Variants in PAH observed in about 807,000 individuals in gnomAD.
PAH encodes the protein phenylalanine hydroxylase, also known as phenylalanine-4-hydroxylase.
A neutral mutation model predicts 62.0 loss-of-function variants in PAH; 64 were observed. The ratio of observed to expected loss-of-function variants is 1.03; its 90% CI spans 0.84 to 1.27. The LOEUF is 1.27. Among genes scored for constraint, PAH ranks in the 50% most tolerant of loss-of-function variants. The pLI, the probability that PAH is intolerant of heterozygous loss-of-function variation, is 0.00. For synonymous variants in PAH, 195 were observed against 196.2 expected (o/e 0.99, Z 0.05); for missense variants, 579 against 542.8 (o/e 1.07, Z -0.66).
intron 1 of PAH, among the ~76,000 whole-genome samples, chr12:102,937,998 A>G (rs189386339): frequency 3.9e-5 from 6 of 152,350 alleles, no homozygotes; most frequent in Admixed American, 2.0e-4. Context: ...GGCTGACCGA[A>G]GCAGCTACTG....
chr12:102,873,837 A>G (rs867966835), intron 4 of PAH, among the ~76,000 whole-genome samples: 3 of 152,202 alleles, frequency 2.0e-5, no homozygotes, highest in Non-Finnish European at 2.9e-5. Flanking sequence ...GGATTTTCCA[A>G]AGTTTCTAAT....
intron 3 of PAH, among the ~76,000 whole-genome samples, chr12:102,886,659 G>T (rs749461153): frequency 7.9e-5 from 12 of 152,072 alleles, no homozygotes; most frequent in Non-Finnish European, 1.3e-4. Context: ...GCACTTATTT[G>T]GCCCTGCTCC....
intron 1 of PAH, among the ~76,000 whole-genome samples, chr12:102,935,709 C>T (rs924688585): frequency 6.7e-6 from 1 of 149,170 alleles, no homozygotes; most frequent in Admixed American, 6.8e-5. Context: ...TCTAATGATC[C>T]TCTAAATTCC....
intron 1 of PAH, among the ~76,000 whole-genome samples, chr12:102,934,209 A>G (rs2136753463): frequency 6.6e-6 from 1 of 152,122 alleles, no homozygotes; most frequent in African/African-American, 2.4e-5. Context: ...TGTTCTTGGC[A>G]CCTTGGTTAA....
At chr12:102,920,336 C>T (rs1477817340), upstream of PAH, among the ~76,000 whole-genome samples, 3 of 152,132 alleles carry the variant, frequency 2.0e-5, no homozygotes, top group Non-Finnish European at 4.4e-5. Context: ...AAAAAAGGCA[C>T]ATCTAGAAGA....
In PAH at chr12:102,855,331, C is replaced by A. The variant is rs199475613; in HGVS notation, c.511G>T (p.Gly171Trp). The change falls in exon 6 of 13, where the codon GGG becomes TGG. Residue 171 changes from glycine (G) to tryptophan (W), a missense_variant and splice_region_variant. Coordinates refer to ENST00000553106, the MANE Select transcript of PAH (RefSeq NM_000277.3). The stretch of plus-strand genomic sequence containing the variant: ...TATTCCACTCGAGGGATGGGCTGCC[C>A]ACTAGAATACAGGCACAAAATAGGT... ...FADIAYNYRH[G>W]QPIPRVEYME... The A allele has an allele frequency of 6.2e-6, 10 of 1,613,912 alleles. No individual in the cohort carries two copies. The highest frequency in any genetic ancestry group is 7.6e-6 in the Non-Finnish European group (9 of 1,179,910).
intron 1 of PAH, among the ~76,000 whole-genome samples, chr12:102,935,265 A>T (rs949236979): frequency 1.3e-5 from 2 of 152,076 alleles, no homozygotes; most frequent in Non-Finnish European, 2.9e-5. Flanking sequence ...TTGATGAATG[A>T]TCTTTTAAAC....
At chr12:102,843,178 T>C (rs1874664400) in intron 11 of PAH, among the ~76,000 whole-genome samples, 1 of 152,186 alleles carries the variant, frequency 6.6e-6, no homozygotes, top group African/African-American at 2.4e-5. Context: ...TGTAATATAT[T>C]ACAAGTTAAT....
At chr12:102,946,139 C>T (rs1879485010) in intron 1 of PAH, 1 of 152,384 alleles carries the variant, frequency 6.6e-6, no homozygotes, top group Non-Finnish European at 1.5e-5. Context: ...AGTTGCAAGA[C>T]AAAGCCCTCT....
At chr12:102,934,436 A>AT (rs33968275) in intron 1 of PAH, among the ~76,000 whole-genome samples, 151,864 of 151,962 alleles carry the variant, frequency 1, 75,883 homozygotes, top group Middle Eastern at 1. Flanking sequence ...AAATTTTAGG[A>AT]TTTTTTTTCT....
At chr12:102,903,409 C>T (rs1232665649) in intron 2 of PAH, among the ~76,000 whole-genome samples, 1 of 113,078 alleles carries the variant, frequency 8.8e-6, no homozygotes, top group Non-Finnish European at 1.7e-5. Context: ...AAAAAAACAA[C>T]CTTATGTATG....
At chr12:102,896,454 T>C (rs1188395732) in intron 2 of PAH, among the ~76,000 whole-genome samples, 2 of 152,200 alleles carry the variant, frequency 1.3e-5, no homozygotes, top group African/African-American at 4.8e-5. Flanking sequence ...TATGATCTCA[T>C]AGGCTTAAAA....
chr12:102,872,205 A>G (rs556309369), intron 4 of PAH, among the ~76,000 whole-genome samples: 1 of 152,242 alleles, frequency 6.6e-6, no homozygotes, highest in South Asian at 2.1e-4. Context: ...AGAAAGGTTA[A>G]GACACATAAT....
intron 3 of PAH, among the ~76,000 whole-genome samples, chr12:102,879,606 G>T (rs977762405): frequency 9.0e-4 from 43 of 47,636 alleles, no homozygotes; most frequent in African/African-American, 2.1e-3. Context: ...TTTTACCTGT[G>T]GGGGGGGGGT....
At position 102,868,124 on chromosome 12, in the gene PAH, G is replaced by A. The variant is rs28496869; in HGVS notation, c.442-1461C>T. Among the ~76,000 whole-genome samples, 9 of 3,722 alleles carry A rather than the reference G, an allele frequency of 2.4e-3. 1 individual carries two copies. The highest frequency in any genetic ancestry group is 0.02 in the South Asian group (2 of 100). 2.4% of individuals were successfully genotyped at this position (3,722 alleles called of 152,430 possible). On this transcript the variant is annotated intron_variant, in intron 4 of 12. Coordinates refer to ENST00000553106, the MANE Select transcript of PAH (RefSeq NM_000277.3). The stretch of plus-strand genomic sequence containing the variant: ...TATATACACATATATATACATATAT[G>A]TGTATATATATATATATATATATAT...
upstream of PAH, chr12:102,917,321 A>G: frequency 1.6e-6 from 1 of 628,842 alleles, no homozygotes; most frequent in Non-Finnish European, 2.9e-6. Context: ...GCAGGAGGCC[A>G]GGGCAGCCTG....
intron 1 of PAH, among the ~76,000 whole-genome samples, chr12:102,916,851 C>T (rs1878401490): frequency 6.6e-6 from 1 of 152,164 alleles, no homozygotes; most frequent in African/African-American, 2.4e-5. Context: ...AAGCAATGGT[C>T]ATTCATTCCT....
upstream of PAH, among the ~76,000 whole-genome samples, chr12:102,918,729 T>A (rs955754415): frequency 1.3e-5 from 2 of 152,208 alleles, no homozygotes; most frequent in African/African-American, 4.8e-5. Flanking sequence ...AGGGGCCTGA[T>A]GAATATTTCC....
At chr12:102,958,385 G>T (rs554829144), upstream of PAH, 13 of 1,510,992 alleles carry the variant, frequency 8.6e-6, no homozygotes, top group East Asian at 3.0e-4. Context: ...CAGCGGCAGC[G>T]CAGAGCGCGC....
Sources: allele counts gnomAD v4.1 joint callset (sites outside exome capture counted in the v4.1 genomes callset), GRCh38; gene constraint gnomAD v4.1.1; transcripts MANE v1.5; gene names NCBI Gene and HGNC (gene_info 2026-07-23, HGNC 2026-07-21).